The following ADARB2 variants were observed in gnomAD, a reference collection of about 807,000 sequenced individuals.
The protein encoded by ADARB2 is adenosine deaminase RNA specific B2 (inactive).
In ADARB2, 25 loss-of-function variants were observed where a neutral mutation model predicts 62.2. The ratio of observed to expected loss-of-function variants is 0.40; its 90% CI spans 0.29 to 0.56. The LOEUF is 0.56. Among genes scored for constraint, ADARB2 ranks in the 20% least tolerant of loss-of-function variants. The probability of loss-of-function intolerance (pLI) is 0.43; values close to 1 mark genes in which losing one functional copy is unlikely to be tolerated. For synonymous variants in ADARB2, 572 were observed against 500.8 expected (o/e 1.14, Z -1.90); for missense variants, 1,071 against 1,077.4 (o/e 0.99, Z 0.08).
At chr10:1,456,806 T>A (rs1435536898) in intron 1 of ADARB2, among the ~76,000 whole-genome samples, 2 of 152,178 alleles carry the variant, frequency 1.3e-5, no homozygotes, top group Admixed American at 6.5e-5. Flanking sequence ...ATTTGTGTTT[T>A]TCTTTTGAGA....
intron 1 of ADARB2, among the ~76,000 whole-genome samples, chr10:1,533,761 A>G (rs1429852864): frequency 6.6e-6 from 1 of 152,176 alleles, no homozygotes; most frequent in Non-Finnish European, 1.5e-5. Context: ...TCCTCCTCGG[A>G]GTAACATCAG....
At position 1,335,085 on chromosome 10, in the gene ADARB2, G is replaced by A. The variant is rs1023208551; in HGVS notation, c.1077+27943C>T. On this transcript the variant is annotated intron_variant, in intron 3 of 9. Transcript: ENST00000381312. ...ACCCAGCCAAGTCTTACGTGTGTGC[G>A]TTACAATTCAAACTGTGAGGTCTTC... 3.3e-5 allele frequency among the ~76,000 whole-genome samples: 5 copies of A among 152,138 alleles called. No individual in the cohort carries two copies. In the South Asian group the frequency reaches 8.3e-4, roughly 25 times the overall value.
chr10:1,327,110 G>T (rs1378906231), intron 3 of ADARB2, among the ~76,000 whole-genome samples: 55 of 68,306 alleles, frequency 8.1e-4, no homozygotes, highest in Admixed American at 1.4e-3. Flanking sequence ...GCCTCCCCAC[G>T]GCACAGCGCC....
intron 1 of ADARB2, chr10:1,675,015 T>A (rs28394266): frequency 1.1e-6 from 1 of 905,430 alleles, no homozygotes; most frequent in East Asian, 1.6e-4. Context: ...GGTTTGGGTT[T>A]GGGGGTACAT....
At chr10:1,734,228 GTTTA>G (rs769513027) in intron 1 of ADARB2, among the ~76,000 whole-genome samples, 6 of 148,374 alleles carry the variant, frequency 4.0e-5, no homozygotes, top group African/African-American at 9.8e-5. Context: ...CTTCTTTAAA[GTTTA>G]TTTGAGAGAG....
chr10:1,651,778 G>T (rs542203726), intron 1 of ADARB2, among the ~76,000 whole-genome samples: 48 of 152,172 alleles, frequency 3.2e-4, no homozygotes, highest in African/African-American at 1.1e-3. Flanking sequence ...GCTTATGGGT[G>T]CTGCTTTCTC....
At chr10:1,454,339 ACCATAT>A (rs1402304844) in intron 1 of ADARB2, among the ~76,000 whole-genome samples, 1 of 152,220 alleles carries the variant, frequency 6.6e-6, no homozygotes, top group African/African-American at 2.4e-5. Flanking sequence ...ACAGAGCCAA[ACCATAT>A]CATAGACCCA....
intron 1 of ADARB2, among the ~76,000 whole-genome samples, chr10:1,411,537 G>A (rs147103113): frequency 1.0e-3 from 153 of 152,276 alleles, no homozygotes; most frequent in African/African-American, 3.5e-3. Context: ...TCCTCCTCAG[G>A]TGACTTTCTG....
At chr10:1,619,098 G>C (rs1833678089) in intron 1 of ADARB2, among the ~76,000 whole-genome samples, 1 of 152,150 alleles carries the variant, frequency 6.6e-6, no homozygotes, top group Admixed American at 6.5e-5. Flanking sequence ...GAGAAGGCGA[G>C]AGACATGTGG....
chr10:1,634,286 C>T (rs572872485), intron 1 of ADARB2, among the ~76,000 whole-genome samples: 1 of 152,328 alleles, frequency 6.6e-6, no homozygotes, highest in African/African-American at 2.4e-5. Flanking sequence ...TGCAATCAGG[C>T]CACAGACACA....
intron 1 of ADARB2, among the ~76,000 whole-genome samples, chr10:1,419,510 C>A (rs555737094): frequency 1.3e-5 from 2 of 152,252 alleles, no homozygotes; most frequent in Admixed American, 6.5e-5. Context: ...CTATGTAAAC[C>A]GAGTTATAGC....
chr10:1,213,947 C>T (rs895040960), intron 7 of ADARB2, among the ~76,000 whole-genome samples: 4 of 142,986 alleles, frequency 2.8e-5, no homozygotes, highest in African/African-American at 5.3e-5. Context: ...GCTGGCATCG[C>T]GTGGGTTTGC....
intron 1 of ADARB2, among the ~76,000 whole-genome samples, chr10:1,647,312 GA>G (rs534574292): frequency 4.1e-4 from 62 of 152,042 alleles, no homozygotes; most frequent in African/African-American, 1.2e-3. Flanking sequence ...GGCTCCTTAT[GA>G]AAAAAAAGTG....
At position 1,582,291 on chromosome 10, in the gene ADARB2, G is replaced by C. The variant is rs553118012; in HGVS notation, c.100+154760C>G. ...GCGTTACCTGCTGGTGGCAGAGGGA[G>C]GGCCTCGCTGCCTCCCATGCTCAGT... On this transcript the variant is annotated intron_variant, in intron 1 of 9. Coordinates refer to ENST00000381312, the MANE Select transcript of ADARB2 (RefSeq NM_018702.4). Among the ~76,000 whole-genome samples the C allele has an allele frequency of 3.0e-3, 451 of 152,250 alleles. 1 individual carries two copies. Among genetic ancestry groups the C allele is most frequent in the Admixed American group, 4.6e-3 (71 of 15,290 alleles).
chr10:1,474,092 T>C (rs1304503911), intron 1 of ADARB2, among the ~76,000 whole-genome samples: 2 of 151,512 alleles, frequency 1.3e-5, no homozygotes, highest in Admixed American at 6.6e-5. Flanking sequence ...CACCTGCTCT[T>C]CGGTTGCTGG....
At chr10:1,624,657 TA>T (rs113028034) in intron 1 of ADARB2, among the ~76,000 whole-genome samples, 16,685 of 152,196 alleles carry the variant, frequency 0.11, 1,074 homozygotes, top group Non-Finnish European at 0.15. Context: ...AACTCTTTAT[TA>T]AAAAAATTAT....
At chr10:1,395,553 C>A (rs1045559963) in intron 1 of ADARB2, among the ~76,000 whole-genome samples, 2 of 152,220 alleles carry the variant, frequency 1.3e-5, no homozygotes, top group African/African-American at 4.8e-5. Flanking sequence ...TTCTCCCCAG[C>A]GGGGCGTCTG....
intron 1 of ADARB2, among the ~76,000 whole-genome samples, chr10:1,736,183 G>A (rs114431022): frequency 6.6e-6 from 1 of 152,224 alleles, no homozygotes; most frequent in Non-Finnish European, 1.5e-5. Flanking sequence ...TAGGAGAGAA[G>A]GGTCGGCATG....
At chr10:1,672,699 C>A (rs1156424974) in intron 1 of ADARB2, among the ~76,000 whole-genome samples, 31 of 126,212 alleles carry the variant, frequency 2.5e-4, no homozygotes, top group Admixed American at 2.2e-3. Context: ...TTTCCTCCTT[C>A]CAGGCCCCCC....
Sources: gnomAD v4.1 joint callset for allele counts (sites outside exome capture counted in the v4.1 genomes callset) on GRCh38, gnomAD v4.1.1 for gene constraint, MANE v1.5 for transcripts, NCBI Gene and HGNC (gene_info 2026-07-23, HGNC 2026-07-21) for gene names.